The following GRAMD2A variants were observed in gnomAD, a reference collection of about 807,000 sequenced individuals.
GRAMD2A encodes the protein GRAM domain-containing protein 2A.
In GRAMD2A, 37 loss-of-function variants were observed where a neutral mutation model predicts 51.1. That is an observed-to-expected ratio of 0.72 (90% CI 0.56 to 0.95). The LOEUF is 0.95. Among genes scored for constraint, GRAMD2A ranks in the 40% least tolerant of loss-of-function variants. The pLI is 0.00. For synonymous variants in GRAMD2A, 136 were observed against 157.1 expected, an observed-to-expected ratio of 0.87 and a Z score of 1.01; for missense variants, 414 against 426.9, an observed-to-expected ratio of 0.97 and a Z score of 0.27.
At chr15:72,162,205 G>A (rs549763636) in intron 11 of GRAMD2A, 68 bp downstream of exon 11, 16 of 1,407,862 alleles carry the variant, frequency 1.1e-5, no homozygotes, top group Non-Finnish European at 1.5e-5. Context: ...AGGCAGCCTG[G>A]CCTGAGGTTC....
chr15:72,195,837 T>C, intron 1 of GRAMD2A, among the ~76,000 whole-genome samples: 1 of 151,966 alleles, frequency 6.6e-6, no homozygotes, highest in East Asian at 1.9e-4. Flanking sequence ...GGAGAATCAC[T>C]TGAACCCAGG....
At chr15:72,182,705 A>C (rs976303486) in intron 1 of GRAMD2A, among the ~76,000 whole-genome samples, 1 of 152,170 alleles carries the variant, frequency 6.6e-6, no homozygotes, top group Non-Finnish European at 1.5e-5. Flanking sequence ...AAAAACACAA[A>C]CACATATGAA....
intron 1 of GRAMD2A, among the ~76,000 whole-genome samples, chr15:72,193,947 C>A (rs543478662): frequency 2.0e-5 from 3 of 152,242 alleles, no homozygotes; most frequent in Admixed American, 6.5e-5. Flanking sequence ...TGCCGGAGCA[C>A]GCAGGTGCAC....
At position 72,166,980 on chromosome 15, in the gene GRAMD2A, C is replaced by G. The variant is rs750540484; in HGVS notation, c.471+14G>C. On this transcript the variant is annotated intron_variant, in intron 6 of 11. Transcript: ENST00000309731. This position sits in a 1 kb window ranked among gnomAD's most constrained non-coding sequence, Gnocchi z 4.1. ...CGGGAGACTGACAAGGGAGCATGGG[C>G]CCAGTGCACTGACCTTCTGGCTGGT... The G allele has an allele frequency of 1.9e-6, 3 of 1,595,894 alleles. No individual in the cohort carries two copies. The highest frequency in any genetic ancestry group is 2.6e-6 in the Non-Finnish European group (3 of 1,163,486).
In GRAMD2A at chr15:72,160,427, T is replaced by C. The variant is rs1434883872; in HGVS notation, c.*1582A>G. ...GTGCAAGCAACACAAAAGGCCAGGC[T>C]CTAAATTTCATCCTAAAAACTGGGA... On this transcript the variant is annotated 3_prime_UTR_variant, in exon 12 of 12. Transcript: ENST00000309731. 1 of 150,766 alleles carries C rather than the reference T, an allele frequency of 6.6e-6. No individual in the cohort carries two copies. 9.3% of individuals were successfully genotyped at this position (150,766 alleles called of 1,614,324 possible).
rs1439151804 is a variant in GRAMD2A at position 72,161,052 on chromosome 15, C to G, written c.*957G>C. 2.6e-5 allele frequency: 4 copies of G among 152,338 alleles called. No individual in the cohort carries two copies. The highest frequency in any genetic ancestry group is 5.9e-5 in the Non-Finnish European group (4 of 68,104). The allele number at this position is 152,338 out of a possible 1,614,324, so 9.4% of individuals were successfully genotyped here. On this transcript the variant is annotated 3_prime_UTR_variant, in exon 12 of 12. Transcript: ENST00000309731. ...ACACGCAACTGTCCAGACAAGCCCC[C>G]CTCAACGGGCTGCTGTTGGCCATGC... is the stretch of plus-strand genomic sequence containing the variant.
Position 72,161,257 on chromosome 15 carries a change from G to A in GRAMD2A, c.*752C>T, listed in dbSNP as rs1290377893. The A allele has an allele frequency of 3.9e-5, 6 of 152,510 alleles. No homozygotes were observed. Among genetic ancestry groups the A allele is most frequent in the South Asian group, 2.1e-4 (1 of 4,828 alleles). 9.4% of individuals were successfully genotyped at this position (152,510 alleles called of 1,614,324 possible). On this transcript the variant is annotated 3_prime_UTR_variant, in exon 12 of 12. Transcript: ENST00000309731. ...AAGGCCCTGCTCCACTTGTCTCACC[G>A]GAAAGTGACAGCTGAGGACACAGAA...
rs777599530 is a variant in GRAMD2A, at chr15:72,170,254, C to G, written c.42-315G>C. 1.9e-6 allele frequency: 1 copy of G among 523,878 alleles called. No individual in the cohort carries two copies. Among genetic ancestry groups the G allele is most frequent in the South Asian group, 1.5e-5 (1 of 65,116 alleles). 32.5% of individuals were successfully genotyped at this position (523,878 alleles called of 1,614,324 possible). A position where few individuals can be genotyped will look rare whatever the true frequency, so the allele number is the denominator to read the frequency against. On this transcript the variant is annotated intron_variant, in intron 1 of 11. Coordinates refer to ENST00000309731, the MANE Select transcript of GRAMD2A (RefSeq NM_001012642.3). This position sits in a 1 kb window ranked among gnomAD's most constrained non-coding sequence, Gnocchi z 4.5. The stretch of plus-strand genomic sequence containing the variant: ...AGCTCGTAGGCCAGGCTGAGTGAGG[C>G]CTCTAGCCCCACCCTTGAGGAGGCA...
At chr15:72,192,020 A>AT (rs1472449923) in intron 1 of GRAMD2A, among the ~76,000 whole-genome samples, 1 of 152,208 alleles carries the variant, frequency 6.6e-6, no homozygotes, top group Non-Finnish European at 1.5e-5. Flanking sequence ...AGTTACTGCC[A>AT]TTTTTTAGAT....
intron 1 of GRAMD2A, among the ~76,000 whole-genome samples, chr15:72,174,170 T>C (rs1357130639): frequency 6.6e-6 from 1 of 152,238 alleles, no homozygotes. Flanking sequence ...AGTGTTTATT[T>C]TGACGAATGA....
At chr15:72,163,202 G>A (rs568006425) in intron 10 of GRAMD2A, 64 bp downstream of exon 10, 10 of 1,107,926 alleles carry the variant, frequency 9.0e-6, no homozygotes, top group Middle Eastern at 4.3e-4. Context: ...ACACTCCAAG[G>A]CCCTTGTTCC....
intron 4 of GRAMD2A, 127 bp downstream of exon 4, chr15:72,168,364 G>A: frequency 1.4e-6 from 1 of 724,796 alleles, no homozygotes; most frequent in Non-Finnish European, 2.5e-6. Flanking sequence ...CACATTCTAG[G>A]GGAGTGGTCC....
intron 1 of GRAMD2A, among the ~76,000 whole-genome samples, chr15:72,187,215 TA>T (rs1284278355): frequency 6.7e-6 from 1 of 150,300 alleles, no homozygotes; most frequent in African/African-American, 2.5e-5. Flanking sequence ...ATATAATCTA[TA>T]ACATAAAAAA....
intron 2 of GRAMD2A, 28 bp downstream of exon 2, chr15:72,169,819 T>TG (rs2081590466): frequency 6.5e-7 from 1 of 1,545,056 alleles, no homozygotes; most frequent in African/African-American, 1.4e-5. Context: ...AGTCTGTGTG[T>TG]ATCTATGACT....
chr15:72,197,212 GAC>G lies in GRAMD2A; in HGVS notation c.41+517_41+518del, dbSNP rs201519481. On this transcript the variant is annotated intron_variant, in intron 1 of 11. Transcript: ENST00000309731. The stretch of plus-strand genomic sequence containing the variant: ...CCCGGGGGAGGCCGCGTCGTGCTGA[GAC>G]AGCTCCGAGCTGCCTCCCCGCAGCC... 4.6e-3 allele frequency among the ~76,000 whole-genome samples: 696 copies of G among 152,288 alleles called. 4 individuals are homozygous for G. Among genetic ancestry groups the G allele is most frequent in the African/African-American group, 0.016 (653 of 41,584 alleles).
At chr15:72,176,297 G>A (rs969599883) in intron 1 of GRAMD2A, among the ~76,000 whole-genome samples, 5 of 152,234 alleles carry the variant, frequency 3.3e-5, no homozygotes, top group African/African-American at 1.2e-4. Flanking sequence ...GGCTGATGCT[G>A]AAGCACAAAT....
At chr15:72,165,956 C>G (rs1443502566) in intron 7 of GRAMD2A, among the ~76,000 whole-genome samples, 4 of 152,104 alleles carry the variant, frequency 2.6e-5, no homozygotes, top group Admixed American at 6.6e-5. Context: ...ACAACCTCCT[C>G]CTCCCGGGTT....
intron 1 of GRAMD2A, among the ~76,000 whole-genome samples, chr15:72,173,149 C>A (rs1456482380): frequency 6.6e-6 from 1 of 152,120 alleles, no homozygotes. Flanking sequence ...CTCAGGACTG[C>A]AGGAGCTCAG....
intron 10 of GRAMD2A, chr15:72,162,748 C>T (rs146626054): frequency 1.8e-5 from 4 of 224,538 alleles, no homozygotes; most frequent in Non-Finnish European, 3.6e-5. Flanking sequence ...GCCCATTCCC[C>T]CAGCAGGTGC....
Sources: gnomAD v4.1 joint callset for allele counts (sites outside exome capture counted in the v4.1 genomes callset) on GRCh38, gnomAD v4.1.1 for gene constraint, Gnocchi (gnomAD v3.1) non-coding constraint, MANE v1.5 for transcripts, NCBI Gene and HGNC (gene_info 2026-07-23, HGNC 2026-07-21) for gene names.